Variants in KDM8 observed in about 807,000 individuals in gnomAD.
The protein encoded by KDM8 is lysine demethylase 8.
A neutral mutation model predicts 46.9 loss-of-function variants in KDM8; 35 were observed. The ratio of observed to expected loss-of-function variants is 0.75; its 90% CI spans 0.57 to 0.99. The LOEUF is 0.99. KDM8 is among the 50% of genes least tolerant of loss of function. The probability of loss-of-function intolerance (pLI) is 0.00; values close to 1 mark genes in which losing one functional copy is unlikely to be tolerated. For missense variants in KDM8, 475 were observed against 537.0 expected (o/e 0.88, Z 1.14); for synonymous variants, 232 against 227.7 (o/e 1.02, Z -0.17).
At chr16:27,217,064 G>A (rs1185244292) in intron 5 of KDM8, among the ~76,000 whole-genome samples, 4 of 152,224 alleles carry the variant, frequency 2.6e-5, no homozygotes. Context: ...GGCCGCCTGG[G>A]TGTTTACCTT....
At chr16:27,220,274 G>T (rs923538888) in intron 6 of KDM8, 119 bp from the exon 7 acceptor site, 10 of 796,938 alleles carry the variant, frequency 1.3e-5, no homozygotes, top group Non-Finnish European at 2.2e-5. Context: ...GCATGTGTGT[G>T]GTGGGGAAGG....
At chr16:27,212,019 A>G (rs1219021905) in intron 2 of KDM8, among the ~76,000 whole-genome samples, 1 of 152,220 alleles carries the variant, frequency 6.6e-6, no homozygotes, top group Non-Finnish European at 1.5e-5. Context: ...CATGTAACCA[A>G]AATAAAAGAA....
intron 1 of KDM8, among the ~76,000 whole-genome samples, chr16:27,207,839 A>G (rs73525544): frequency 0.035 from 5,265 of 152,044 alleles, 334 homozygotes; most frequent in African/African-American, 0.12. Flanking sequence ...CCTGTTTCAG[A>G]CTCCCGAGTA....
rs1281919556 is a variant in KDM8, at chr16:27,213,977, T to G, written c.665+226T>G. 6.1e-6 allele frequency: 3 copies of G among 488,340 alleles called. No homozygotes were observed. In the East Asian group the frequency reaches 1.0e-4, roughly 17 times the overall value. 30.3% of individuals were successfully genotyped at this position (488,340 alleles called of 1,614,324 possible). On this transcript the variant is annotated intron_variant, in intron 3 of 7. Coordinates refer to ENST00000286096, the MANE Select transcript of KDM8 (RefSeq NM_024773.3). ...CTTCTACCTTGCTCGCCTTAAGCGG[T>G]TTTTTAATGAGTCCCTAAGTGGCAG...
At chr16:27,207,088 C>T (rs2083435982) in intron 1 of KDM8, among the ~76,000 whole-genome samples, 1 of 152,176 alleles carries the variant, frequency 6.6e-6, no homozygotes, top group Non-Finnish European at 1.5e-5. Context: ...GACAAGCCCC[C>T]ATCTATAGGA....
chr16:27,216,856 C>A (rs1273193343), intron 5 of KDM8, among the ~76,000 whole-genome samples: 2 of 152,122 alleles, frequency 1.3e-5, no homozygotes, highest in Non-Finnish European at 2.9e-5. Flanking sequence ...CACCTTTCTC[C>A]TGACCCTGGT....
Position 27,212,113 on chromosome 16 carries a change from A to G in KDM8, c.499-1472A>G, listed in dbSNP as rs918537768. On this transcript the variant is annotated intron_variant, in intron 2 of 7. Coordinates refer to ENST00000286096, the MANE Select transcript of KDM8 (RefSeq NM_024773.3). ...ATTACGTAAGGAATGGTACAAATCA[A>G]TAGGGAAAAAATCTTGAGCCCCAGG... 2.6e-5 allele frequency among the ~76,000 whole-genome samples: 4 copies of G among 152,332 alleles called. No individual in the cohort carries two copies. In the East Asian group the frequency reaches 7.7e-4, roughly 29 times the overall value.
In KDM8 at chr16:27,214,771, A is replaced by G. The variant is rs77734338; in HGVS notation, c.666-105A>G. The G allele has an allele frequency of 3.1e-6, 4 of 1,290,342 alleles. No homozygotes were observed. In the African/African-American group the frequency reaches 4.4e-5, roughly 14 times the overall value. 79.9% of individuals were successfully genotyped at this position (1,290,342 alleles called of 1,614,324 possible). On this transcript the variant is annotated intron_variant, in intron 3 of 7. Coordinates refer to ENST00000286096, the MANE Select transcript of KDM8 (RefSeq NM_024773.3). The stretch of plus-strand genomic sequence containing the variant: ...TGGGGATGACAGTCCTTGTCTCTGC[A>G]CGTGAGGTTTTCCGAGGATGAAAGG...
chr16:27,203,815 T>C (rs2083398831), intron 1 of KDM8, 179 bp downstream of exon 1: 1 of 403,284 alleles, frequency 2.5e-6, no homozygotes, highest in African/African-American at 2.1e-5. Context: ...GAATGCAATT[T>C]AGCTCGTCGC....
At chr16:27,211,980 A>C (rs1214522489) in intron 2 of KDM8, among the ~76,000 whole-genome samples, 2 of 152,254 alleles carry the variant, frequency 1.3e-5, no homozygotes, top group Non-Finnish European at 2.9e-5. Flanking sequence ...TATAAGAAAA[A>C]TGCAAGTGGT....
At position 27,220,763 on chromosome 16, in the gene KDM8, G is replaced by A. The variant is rs760874775; in HGVS notation, c.*33G>A. 1 of 1,610,776 alleles carries A rather than the reference G, an allele frequency of 6.2e-7. No individual in the cohort carries two copies. On this transcript the variant is annotated 3_prime_UTR_variant, in exon 8 of 8. Transcript: ENST00000286096. ...AGGAGCTGAAAGGGCCTGACATGCA[G>A]ACAGCATTCATCTGTTCACTAATTT...
intron 1 of KDM8, among the ~76,000 whole-genome samples, chr16:27,207,720 A>G (rs1263092616): frequency 6.6e-6 from 1 of 152,218 alleles, no homozygotes; most frequent in African/African-American, 2.4e-5. Context: ...AGCTGGGGCT[A>G]CAGGTGTGTG....
At chr16:27,216,051 T>C (rs1187245927) in intron 5 of KDM8, 62 bp downstream of exon 5, 10 of 1,560,968 alleles carry the variant, frequency 6.4e-6, no homozygotes, top group Admixed American at 3.3e-5. Flanking sequence ...CCTCCCCTCC[T>C]GGGCTCAGTG....
At chr16:27,206,159 C>G (rs1033911944) in intron 1 of KDM8, 3 of 922,336 alleles carry the variant, frequency 3.3e-6, no homozygotes, top group South Asian at 1.0e-4. Flanking sequence ...CTCTCAAAGA[C>G]TGCTTCACAC....
intron 1 of KDM8, chr16:27,206,322 G>T (rs1399393536): frequency 1.0e-5 from 5 of 491,840 alleles, no homozygotes; most frequent in Non-Finnish European, 1.3e-5. Flanking sequence ...ACCCAAGCTG[G>T]AGTGCAGTGG....
Position 27,220,683 on chromosome 16 carries a change from G to C in KDM8, c.1204G>C (p.Val402Leu), listed in dbSNP as rs141999943. 1.2e-6 allele frequency: 2 copies of C among 1,614,156 alleles called. No individual in the cohort carries two copies. Among genetic ancestry groups the C allele is most frequent in the South Asian group, 1.1e-5 (1 of 91,078 alleles). Reference sequence around the variant, plus strand: ...CATCCCGGTGAAATACTGGCATTACGTGCGGGCTCTGGATTTGAGCTTCTC... The same window carrying C: ...CATCCCGGTGAAATACTGGCATTACCTGCGGGCTCTGGATTTGAGCTTCTC... ...LFIPVKYWHY[V>L]RALDLSFSVS... The change falls in exon 8 of 8, where the codon GTG becomes CTG. Residue 402 changes from valine (V) to leucine (L), a missense_variant. Physicochemically the swap from Val to Leu is conservative, Grantham distance 32. Transcript: ENST00000286096.
At chr16:27,214,507 G>A in intron 3 of KDM8, 1 of 219,152 alleles carries the variant, frequency 4.6e-6, no homozygotes. Flanking sequence ...AGGCTAGAGG[G>A]CAGAGTCCAG....
chr16:27,205,939 G>A (rs757956770), intron 1 of KDM8, among the ~76,000 whole-genome samples: 1 of 152,166 alleles, frequency 6.6e-6, no homozygotes, highest in Non-Finnish European at 1.5e-5. Context: ...AAGATACGAG[G>A]CCACTCAGGC....
chr16:27,213,957 A>G, intron 3 of KDM8: 1 of 547,866 alleles, frequency 1.8e-6, no homozygotes, highest in Admixed American at 3.5e-5. Context: ...CTTACCTTCT[A>G]CCTTGCTCGC....
Sources: gnomAD v4.1 joint callset for allele counts (sites outside exome capture counted in the v4.1 genomes callset) on GRCh38, gnomAD v4.1.1 for gene constraint, MANE v1.5 for transcripts, NCBI Gene and HGNC (gene_info 2026-07-23, HGNC 2026-07-21) for gene names.